RHPN2: variants seen among roughly 807,000 people sequenced by gnomAD.
The protein encoded by RHPN2 is rhophilin-2.
In RHPN2, 40 loss-of-function variants were observed where a neutral mutation model predicts 79.0. The observed-to-expected ratio is 0.51, with a 90% CI of 0.39 to 0.66. The LOEUF is 0.66. Ranked by LOEUF, RHPN2 falls within the 30% of genes least tolerant of loss-of-function variation. RHPN2 has a pLI of 0.00. For synonymous variants in RHPN2, 285 were observed against 363.5 expected (o/e 0.78, Z 2.46); for missense variants, 686 against 883.5 (o/e 0.78, Z 2.83).
chr19:33,039,512 C>T (rs184427823), intron 2 of RHPN2, among the ~76,000 whole-genome samples: 1 of 152,016 alleles, frequency 6.6e-6, no homozygotes, highest in South Asian at 2.1e-4. Flanking sequence ...ATGTTACTAT[C>T]CCCCCTCTGA....
intron 1 of RHPN2, among the ~76,000 whole-genome samples, chr19:33,064,396 C>T (rs2145279056): frequency 6.6e-6 from 1 of 151,876 alleles, no homozygotes; most frequent in East Asian, 1.9e-4. Context: ...AGCGCTCTTG[C>T]AACGCGCCCA....
chr19:33,030,130 C>T (rs1380314336), intron 2 of RHPN2, among the ~76,000 whole-genome samples: 2 of 152,142 alleles, frequency 1.3e-5, no homozygotes, highest in Admixed American at 6.6e-5. Context: ...CTCGTAAAAT[C>T]GAAGTCTCTG....
chr19:32,991,762 C>A, intron 13 of RHPN2, 61 bp downstream of exon 13: 1 of 1,610,264 alleles, frequency 6.2e-7, no homozygotes, highest in Non-Finnish European at 8.5e-7. Flanking sequence ...GGTGAACCCA[C>A]CCTAAATTCA....
chr19:33,043,782 CACGGGGGTGTA>C (rs1972119790), intron 2 of RHPN2, among the ~76,000 whole-genome samples: 1 of 152,154 alleles, frequency 6.6e-6, no homozygotes, highest in South Asian at 2.1e-4. Flanking sequence ...TGCCCTAGAT[CACGGGGGTGTA>C]CTGAGCCCTC....
chr19:33,060,149 T>C (rs375591627), intron 1 of RHPN2, among the ~76,000 whole-genome samples: 157 of 152,248 alleles, frequency 1.0e-3, no homozygotes, highest in African/African-American at 3.6e-3. Flanking sequence ...CAGGCAGGCA[T>C]TGTGACGTTT....
At chr19:33,064,755 T>TGGGCGG in intron 1 of RHPN2, 29 bp downstream of exon 1, 2 of 1,427,948 alleles carry the variant, frequency 1.4e-6, no homozygotes, top group Non-Finnish European at 1.9e-6. Context: ...AGCCCGCAGG[T>TGGGCGG]CCCCGCCCGC....
At chr19:33,003,611 A>G (rs914037313) in intron 7 of RHPN2, among the ~76,000 whole-genome samples, 4 of 152,162 alleles carry the variant, frequency 2.6e-5, no homozygotes, top group African/African-American at 9.6e-5. Context: ...ATTAAACACA[A>G]TGTGGCCTAT....
chr19:33,022,141 C>T (rs1024906828), intron 3 of RHPN2, among the ~76,000 whole-genome samples: 4 of 152,042 alleles, frequency 2.6e-5, no homozygotes, highest in East Asian at 1.9e-4. Flanking sequence ...AATGGGGTTT[C>T]GCCATGTTGA....
chr19:33,034,253 A>G (rs1175082852), intron 2 of RHPN2, among the ~76,000 whole-genome samples: 1 of 151,910 alleles, frequency 6.6e-6, no homozygotes, highest in Non-Finnish European at 1.5e-5. Context: ...TGGGCGGATC[A>G]CGAGGTCTGG....
At chr19:33,013,056 G>A (rs10407944) in intron 4 of RHPN2, among the ~76,000 whole-genome samples, 45,536 of 151,026 alleles carry the variant, frequency 0.3, 7,465 homozygotes, top group African/African-American at 0.45. Context: ...TTGTATTTTT[G>A]GTAGAGACAG....
At chr19:33,044,968 G>A (rs149333169) in intron 1 of RHPN2, among the ~76,000 whole-genome samples, 186 of 152,096 alleles carry the variant, frequency 1.2e-3, no homozygotes, top group African/African-American at 4.2e-3. Context: ...GGCTACCCAT[G>A]GGCCAGCCCA....
intron 3 of RHPN2, among the ~76,000 whole-genome samples, chr19:33,025,734 G>A (rs530077081): frequency 6.6e-6 from 1 of 152,294 alleles, no homozygotes; most frequent in Non-Finnish European, 1.5e-5. Flanking sequence ...AGCCAACATT[G>A]GAAAGGTATT....
chr19:33,024,392 C>T (rs1971949957), intron 3 of RHPN2, among the ~76,000 whole-genome samples: 1 of 152,152 alleles, frequency 6.6e-6, no homozygotes, highest in Admixed American at 6.6e-5. Context: ...GAGATCATGC[C>T]ACTACACTCC....
At chr19:33,017,724 A>G (rs1022504782) in intron 4 of RHPN2, among the ~76,000 whole-genome samples, 15 of 137,322 alleles carry the variant, frequency 1.1e-4, no homozygotes, top group East Asian at 2.0e-4. Flanking sequence ...AAAAAAAAAA[A>G]AGAGAGAGAG....
chr19:33,062,937 G>C (rs1048879534), intron 1 of RHPN2, among the ~76,000 whole-genome samples: 1 of 152,076 alleles, frequency 6.6e-6, no homozygotes, highest in African/African-American at 2.4e-5. Flanking sequence ...TGTGTTCTGG[G>C]AGGCTTGGGA....
intron 2 of RHPN2, among the ~76,000 whole-genome samples, chr19:33,040,694 C>T (rs1972094043): frequency 6.6e-6 from 1 of 152,126 alleles, no homozygotes; most frequent in Non-Finnish European, 1.5e-5. Context: ...GTGGCTTACA[C>T]CTGTAATTCC....
intron 14 of RHPN2, among the ~76,000 whole-genome samples, chr19:32,988,213 A>AAC (rs1491256639): frequency 9.9e-4 from 136 of 137,178 alleles, no homozygotes; most frequent in Middle Eastern, 7.4e-3. Context: ...CAACAACAAC[A>AAC]AAAAAAAAAA....
At chr19:33,032,697 C>CG (rs1972022907) in intron 2 of RHPN2, among the ~76,000 whole-genome samples, 1 of 152,130 alleles carries the variant, frequency 6.6e-6, no homozygotes, top group South Asian at 2.1e-4. Context: ...ATTGAGAAAA[C>CG]GACTGATCCT....
intron 2 of RHPN2, among the ~76,000 whole-genome samples, chr19:33,036,324 C>T (rs1475113462): frequency 6.6e-6 from 1 of 151,470 alleles, no homozygotes; most frequent in African/African-American, 2.4e-5. Flanking sequence ...TATAGGGAGA[C>T]CCCCATCTCT....
Sources: gnomAD v4.1 joint callset for allele counts (sites outside exome capture counted in the v4.1 genomes callset) on GRCh38, gnomAD v4.1.1 for gene constraint, MANE v1.5 for transcripts, NCBI Gene and HGNC (gene_info 2026-07-23, HGNC 2026-07-21) for gene names.